The following SGCZ variants were observed in gnomAD, a reference collection of about 807,000 sequenced individuals.
SGCZ encodes zeta-sarcoglycan.
Under a neutral mutation model 41.3 loss-of-function variants are expected in SGCZ, and 40 were observed. The ratio of observed to expected loss-of-function variants is 0.97; its 90% confidence interval spans 0.75 to 1.26. SGCZ has a LOEUF of 1.26. Ranked by LOEUF, SGCZ falls within the 50% of genes most tolerant of loss-of-function variation. SGCZ has a pLI of 0.00. For missense variants in SGCZ, 552 were observed against 369.8 expected (o/e 1.49, Z -4.04); for synonymous variants, 206 against 137.5 (o/e 1.50, Z -3.49).
intron 2 of SGCZ, among the ~76,000 whole-genome samples, chr8:14,532,434 C>T (rs56107133): frequency 0.36 from 54,672 of 151,596 alleles, 10,461 homozygotes; most frequent in East Asian, 0.49. Context: ...ATGATTACTA[C>T]ATAGATTTGA....
At chr8:15,142,299 C>T (rs573549544) in intron 1 of SGCZ, among the ~76,000 whole-genome samples, 11 of 152,054 alleles carry the variant, frequency 7.2e-5, no homozygotes, top group Non-Finnish European at 1.0e-4. Context: ...TTATTGCACT[C>T]TGAGAAGTTA....
intron 2 of SGCZ, among the ~76,000 whole-genome samples, chr8:14,479,198 G>C (rs1801450391): frequency 6.6e-6 from 1 of 152,198 alleles, no homozygotes; most frequent in African/African-American, 2.4e-5. Flanking sequence ...CGACAGCGCA[G>C]CCTTCAGTCT....
intron 1 of SGCZ, among the ~76,000 whole-genome samples, chr8:14,586,610 A>C (rs1163978149): frequency 6.6e-6 from 1 of 152,218 alleles, no homozygotes; most frequent in Non-Finnish European, 1.5e-5. Context: ...TAGTCATCAT[A>C]AATGCAAAGT....
intron 1 of SGCZ, among the ~76,000 whole-genome samples, chr8:15,082,115 G>T (rs957489137): frequency 7.2e-5 from 11 of 152,014 alleles, no homozygotes; most frequent in African/African-American, 2.2e-4. Flanking sequence ...TGTAATCTCA[G>T]CTACTGGGGA....
At chr8:14,831,216 A>G (rs1802515410) in intron 1 of SGCZ, among the ~76,000 whole-genome samples, 1 of 152,222 alleles carries the variant, frequency 6.6e-6, no homozygotes, top group Non-Finnish European at 1.5e-5. Flanking sequence ...AAAGATTTTC[A>G]AAGTACATGA....
chr8:14,999,460 C>T (rs1317006806), intron 1 of SGCZ, among the ~76,000 whole-genome samples: 2 of 151,928 alleles, frequency 1.3e-5, no homozygotes, highest in Non-Finnish European at 2.9e-5. Context: ...AAAAAGTTCT[C>T]CAATAAAAAA....
intron 1 of SGCZ, among the ~76,000 whole-genome samples, chr8:14,624,501 G>C (rs1023064427): frequency 6.8e-6 from 1 of 146,982 alleles, no homozygotes; most frequent in East Asian, 2.1e-4. Flanking sequence ...ATGTCCATAA[G>C]AGCAAAGGAA....
intron 4 of SGCZ, among the ~76,000 whole-genome samples, chr8:14,212,906 AT>A (rs1313237920): frequency 5.3e-5 from 8 of 152,154 alleles, no homozygotes; most frequent in Non-Finnish European, 1.0e-4. Flanking sequence ...AACTAAAAAA[AT>A]ATAATAATGG....
intron 1 of SGCZ, among the ~76,000 whole-genome samples, chr8:15,179,076 G>C (rs1241725658): frequency 6.6e-6 from 1 of 152,076 alleles, no homozygotes; most frequent in Non-Finnish European, 1.5e-5. Context: ...AGTATAAAGA[G>C]TTGTTTTGCT....
At chr8:14,428,372 A>G (rs1455829043) in intron 2 of SGCZ, among the ~76,000 whole-genome samples, 6 of 152,090 alleles carry the variant, frequency 3.9e-5, no homozygotes. Flanking sequence ...GGATGCAAGG[A>G]GTTTGACTTA....
At chr8:14,111,094 A>C (rs932773547) in intron 5 of SGCZ, among the ~76,000 whole-genome samples, 1 of 149,806 alleles carries the variant, frequency 6.7e-6, no homozygotes, top group Admixed American at 6.7e-5. Flanking sequence ...TTAAAAAAAA[A>C]CTGTCTCTCT....
At chr8:14,504,672 G>C (rs1213972100) in intron 2 of SGCZ, among the ~76,000 whole-genome samples, 2 of 150,840 alleles carry the variant, frequency 1.3e-5, no homozygotes, top group African/African-American at 2.4e-5. Context: ...TATTTATTTT[G>C]TTCACAGATG....
At chr8:14,137,886 A>T (rs1803250379) in intron 5 of SGCZ, among the ~76,000 whole-genome samples, 1 of 152,194 alleles carries the variant, frequency 6.6e-6, no homozygotes, top group Non-Finnish European at 1.5e-5. Flanking sequence ...TGTCAGATTC[A>T]CCAAAGTTGA....
At chr8:14,844,753 G>A (rs150819239) in intron 1 of SGCZ, among the ~76,000 whole-genome samples, 6 of 152,284 alleles carry the variant, frequency 3.9e-5, no homozygotes, top group Admixed American at 1.3e-4. Flanking sequence ...CAGGAGCTGA[G>A]TTTACCTTTC....
intron 1 of SGCZ, among the ~76,000 whole-genome samples, chr8:14,798,569 T>G (rs1801213401): frequency 6.6e-6 from 1 of 152,302 alleles, no homozygotes; most frequent in South Asian, 2.1e-4. Context: ...TGCCAAACAC[T>G]TTGGAAATGC....
At chr8:14,196,415 G>C (rs1482091372) in intron 4 of SGCZ, among the ~76,000 whole-genome samples, 1 of 152,054 alleles carries the variant, frequency 6.6e-6, no homozygotes, top group African/African-American at 2.4e-5. Flanking sequence ...ACAATAACAA[G>C]TGGTGGAAAA....
At chr8:14,585,882 A>G (rs956678866) in intron 1 of SGCZ, among the ~76,000 whole-genome samples, 1 of 152,180 alleles carries the variant, frequency 6.6e-6, no homozygotes, top group African/African-American at 2.4e-5. Context: ...CACCTTCAGT[A>G]AATCATGCAG....
rs1377032101 is a variant in SGCZ at position 14,088,475 on chromosome 8, A to G, written c.*1968T>C. Among the ~76,000 whole-genome samples, 1 of 151,870 alleles carries G rather than the reference A, an allele frequency of 6.6e-6. No homozygotes were observed. Among genetic ancestry groups the G allele is most frequent in the East Asian group, 1.9e-4 (1 of 5,156 alleles). ...AAGTCCATAATATAGTGATTAGCAC[A>G]CATAATTTCTCAATATTTCTTGTAT... is the stretch of plus-strand genomic sequence containing the variant. On this transcript the variant is annotated 3_prime_UTR_variant, in exon 8 of 8. Coordinates refer to ENST00000382080, the MANE Select transcript of SGCZ (RefSeq NM_139167.4).
chr8:14,672,579 CATAAAT>C (rs1808139430), intron 1 of SGCZ, among the ~76,000 whole-genome samples: 2 of 152,104 alleles, frequency 1.3e-5, no homozygotes, highest in African/African-American at 4.8e-5. Flanking sequence ...GCTGTAATAA[CATAAAT>C]ATAATGGTTG....
Sources: gnomAD v4.1 joint callset for allele counts (sites outside exome capture counted in the v4.1 genomes callset) on GRCh38, gnomAD v4.1.1 for gene constraint, MANE v1.5 for transcripts, NCBI Gene and HGNC (gene_info 2026-07-23, HGNC 2026-07-21) for gene names.